Variants in KIAA1549 observed in about 807,000 individuals in gnomAD.
The protein encoded by KIAA1549 is KIAA1549, also known as UPF0606 protein KIAA1549.
A neutral mutation model predicts 156.4 loss-of-function variants in KIAA1549; 70 were observed. The observed-to-expected ratio is 0.45, with a 90% CI of 0.37 to 0.55. The LOEUF is 0.55. KIAA1549 is among the 20% of genes least tolerant of loss of function. The pLI is 0.00. For synonymous variants in KIAA1549, 1,103 were observed against 1,066.4 expected (o/e 1.03, Z -0.67); for missense variants, 2,428 against 2,540.9 (o/e 0.96, Z 0.96).
Position 138,861,422 on chromosome 7 carries a change from G to C in KIAA1549, c.4964C>G (p.Pro1655Arg), listed in dbSNP as rs745960934. 3 of 1,612,236 alleles carry C rather than the reference G, an allele frequency of 1.9e-6. No individual in the cohort carries two copies. The highest frequency in any genetic ancestry group is 1.3e-5 in the African/African-American group (1 of 74,884). ...DPDLPADVQT[P>R]SSVELGRYPA... The stretch of plus-strand genomic sequence containing the variant: ...ATACCTCCCCAGTTCCACCGAGGAT[G>C]GTGTCTGCACATCGGCTGGGAGGTC... Residue 1655 changes from proline to arginine, a missense_variant, in exon 16 of 20, where the codon CCA becomes CGA. Physicochemically the swap from Pro to Arg is moderately radical, Grantham distance 103. Transcript: ENST00000422774.
In KIAA1549 at chr7:138,917,022, T is replaced by C. The variant is rs1785194956; in HGVS notation, c.2604A>G (p.Pro868=). The C allele has an allele frequency of 6.2e-7, 1 of 1,604,822 alleles. No homozygotes were observed. Among genetic ancestry groups the C allele is most frequent in the African/African-American group, 1.3e-5 (1 of 74,810 alleles). Residue 868 remains proline, a synonymous_variant, in exon 2 of 20, where the codon CCA becomes CCG. Transcript: ENST00000422774. ...GTGGCACCTCTGTGGGTGTGAGTGATGGGCCCACGACGGTCAGCTCTGTGG... is the reference window on the plus strand; with the variant it reads ...GTGGCACCTCTGTGGGTGTGAGTGACGGGCCCACGACGGTCAGCTCTGTGG... ...PLPTELTVVG[P]SLTPTEVPLN... is the part of the protein sequence containing the mutation.
At chr7:138,854,070 T>C (rs753984279) in intron 16 of KIAA1549, among the ~76,000 whole-genome samples, 17 of 152,014 alleles carry the variant, frequency 1.1e-4, no homozygotes, top group Non-Finnish European at 1.8e-4. Context: ...GATGAAAAGG[T>C]TTAAAAAAAA....
Position 138,909,099 on chromosome 7 carries a change from A to G in KIAA1549, c.3168T>C (p.Ser1056=). 6.2e-7 allele frequency: 1 copy of G among 1,613,754 alleles called. No individual in the cohort carries two copies. Among genetic ancestry groups the G allele is most frequent in the Non-Finnish European group, 8.5e-7 (1 of 1,179,732 alleles). The part of the protein sequence containing the change: ...VQTVLQFVPP[S]VDTGFCNFTQ... ...TGAAGTTGCAGAAGCCAGTATCCACACTCGGAGGCACAAACTGAAGTACTG... is the reference window on the plus strand; with the variant it reads ...TGAAGTTGCAGAAGCCAGTATCCACGCTCGGAGGCACAAACTGAAGTACTG... The change falls in exon 5 of 20, where the codon AGT becomes AGC. Residue 1056 remains serine, a synonymous_variant. Coordinates refer to ENST00000422774, the MANE Select transcript of KIAA1549 (RefSeq NM_001164665.2).
intron 2 of KIAA1549, among the ~76,000 whole-genome samples, chr7:138,915,891 G>A (rs2251329): frequency 0.45 from 68,376 of 152,066 alleles, 18,651 homozygotes; most frequent in African/African-American, 0.78. Flanking sequence ...CCACCGTCGC[G>A]GGACATGACC....
At position 138,928,022 on chromosome 7, in the gene KIAA1549, G is replaced by A. The variant is rs527423927; in HGVS notation, c.188-8584C>T. Among the ~76,000 whole-genome samples the A allele has an allele frequency of 4.6e-5, 7 of 150,888 alleles. No individual in the cohort carries two copies. The South Asian group carries it at 1.1e-3, about 23-fold the overall frequency. On this transcript the variant is annotated intron_variant, in intron 1 of 19. Transcript: ENST00000422774. The stretch of plus-strand genomic sequence containing the variant: ...TGCAAGCTCTGCTTCCTGGGTTCAC[G>A]CCATTCTCCTGCCTCAGCCTCCCGA...
At chr7:138,921,789 C>T (rs1051030271) in intron 1 of KIAA1549, among the ~76,000 whole-genome samples, 1 of 152,064 alleles carries the variant, frequency 6.6e-6, no homozygotes, top group African/African-American at 2.4e-5. Flanking sequence ...CGCTTGAACC[C>T]AGGAGGCGGA....
At chr7:138,842,636 T>C (rs1369542678) in intron 18 of KIAA1549, among the ~76,000 whole-genome samples, 1 of 150,428 alleles carries the variant, frequency 6.6e-6, no homozygotes, top group East Asian at 2.0e-4. Flanking sequence ...GAGGTTGCAG[T>C]GCGCCGAGAC....
At chr7:138,940,800 G>A (rs1247326928) in intron 1 of KIAA1549, among the ~76,000 whole-genome samples, 1 of 152,210 alleles carries the variant, frequency 6.6e-6, no homozygotes. Context: ...TCTTTTGGCT[G>A]CATAAGTGTC....
chr7:138,905,588 T>C (rs1383108291), intron 6 of KIAA1549, among the ~76,000 whole-genome samples: 1 of 152,220 alleles, frequency 6.6e-6, no homozygotes, highest in African/African-American at 2.4e-5. Flanking sequence ...TGTAAAGTTA[T>C]TCTTTTTAGT....
At chr7:138,911,013 C>T in intron 4 of KIAA1549, 133 bp downstream of exon 4, 1 of 746,054 alleles carries the variant, frequency 1.3e-6, no homozygotes, top group Non-Finnish European at 2.1e-6. Context: ...GCCTGGGCAA[C>T]AGACTGAGAT....
At chr7:138,855,333 C>CACCAGTGA (rs369875789) in intron 16 of KIAA1549, among the ~76,000 whole-genome samples, 356 of 152,340 alleles carry the variant, frequency 2.3e-3, no homozygotes, top group African/African-American at 8.3e-3. Context: ...GCTTACTCAA[C>CACCAGTGA]ACCAGTGAAC....
intron 1 of KIAA1549, among the ~76,000 whole-genome samples, chr7:138,924,985 G>A (rs950769445): frequency 3.9e-5 from 6 of 152,250 alleles, no homozygotes; most frequent in East Asian, 3.9e-4. Flanking sequence ...CAGCTGACCC[G>A]GGCCTGCCAC....
At chr7:138,952,852 T>C (rs990446284) in intron 1 of KIAA1549, among the ~76,000 whole-genome samples, 1 of 152,012 alleles carries the variant, frequency 6.6e-6, no homozygotes, top group African/African-American at 2.4e-5. Flanking sequence ...GTAAATAACA[T>C]CCAGTAAGGA....
intron 10 of KIAA1549, among the ~76,000 whole-genome samples, chr7:138,883,875 T>C (rs1220767531): frequency 1.3e-5 from 2 of 152,166 alleles, no homozygotes; most frequent in East Asian, 3.9e-4. Context: ...AGTTTCCTGG[T>C]GTACACCGCC....
intron 10 of KIAA1549, among the ~76,000 whole-genome samples, chr7:138,884,168 C>T (rs562687445): frequency 6.6e-6 from 1 of 152,190 alleles, no homozygotes; most frequent in Non-Finnish European, 1.5e-5. Context: ...GTCCAGGGAG[C>T]TTCTGGAAGG....
Position 138,921,564 on chromosome 7 carries a change from C to T in KIAA1549, c.188-2126G>A, listed in dbSNP as rs185290238. On this transcript the variant is annotated intron_variant, in intron 1 of 19. Coordinates refer to ENST00000422774, the MANE Select transcript of KIAA1549 (RefSeq NM_001164665.2). Reference sequence around the variant, plus strand: ...GTCCCTCATCTAATATACTGGTGACCGTATAAAAGATGGAAATTTGGGCCA... The same window carrying T: ...GTCCCTCATCTAATATACTGGTGACTGTATAAAAGATGGAAATTTGGGCCA... Among the ~76,000 whole-genome samples the T allele has an allele frequency of 1.1e-3, 160 of 152,148 alleles. 1 individual carries two copies. The highest frequency in any genetic ancestry group is 3.7e-3 in the African/African-American group (155 of 41,502).
chr7:138,844,598 TCC>T, intron 17 of KIAA1549, 124 bp from the exon 18 acceptor site: 1 of 870,836 alleles, frequency 1.1e-6, no homozygotes, highest in Admixed American at 3.6e-5. Flanking sequence ...CCATCTCCTC[TCC>T]TGGAAGGGGA....
Position 138,834,847 on chromosome 7 carries a change from C to T in KIAA1549, c.*3059G>A, listed in dbSNP as rs1809658214. The T allele has an allele frequency of 4.3e-6, 1 of 232,052 alleles. No individual in the cohort carries two copies. The highest frequency in any genetic ancestry group is 2.2e-5 in the African/African-American group (1 of 45,226). 14.4% of individuals were successfully genotyped at this position (232,052 alleles called of 1,614,324 possible). On this transcript the variant is annotated 3_prime_UTR_variant, in exon 20 of 20. Transcript: ENST00000422774. ...CACAGGACATCTGCACACATGATCA[C>T]ATCTGATTCTCACAACTACGGTGCC...
At position 138,837,977 on chromosome 7, in the gene KIAA1549, T is replaced by G. The variant is rs1216103168; in HGVS notation, c.5782A>C (p.Ile1928Leu). The change falls in exon 20 of 20, where the codon ATC becomes CTC. Residue 1928 changes from isoleucine to leucine, a missense_variant. Physicochemically the swap from Ile to Leu is conservative, Grantham distance 5 (BLOSUM62 2). Coordinates refer to ENST00000422774, the MANE Select transcript of KIAA1549 (RefSeq NM_001164665.2). ...AGGAGCTCCTCGCGGATTGCTTTGA[T>G]GAGAGAGGCCGAGGAGTGGCCAGGC... ...LQPGHSSASL[I>L]KAIREELLRL... is the part of the protein sequence containing the mutation. The G allele has an allele frequency of 6.2e-7, 1 of 1,613,658 alleles. No individual in the cohort carries two copies. Among genetic ancestry groups the G allele is most frequent in the African/African-American group, 1.3e-5 (1 of 75,052 alleles).
Sources: gnomAD v4.1 joint callset for allele counts (sites outside exome capture counted in the v4.1 genomes callset) on GRCh38, gnomAD v4.1.1 for gene constraint, MANE v1.5 for transcripts, NCBI Gene and HGNC (gene_info 2026-07-23, HGNC 2026-07-21) for gene names.